SNTB1: variants seen among roughly 807,000 people sequenced by gnomAD.
SNTB1 encodes beta-1-syntrophin.
In SNTB1, 36 loss-of-function variants were observed where a neutral mutation model predicts 48.9. That is an observed-to-expected ratio of 0.74 (90% CI 0.56 to 0.97). SNTB1 has a LOEUF of 0.97. SNTB1 is among the 50% of genes least tolerant of loss of function. The pLI, the probability that SNTB1 is intolerant of heterozygous loss-of-function variation, is 0.00. For missense variants in SNTB1, 786 were observed against 703.4 expected (o/e 1.12, Z -1.33); for synonymous variants, 299 against 294.6 (o/e 1.01, Z -0.15).
chr8:120,772,947 G>A, intron 1 of SNTB1, among the ~76,000 whole-genome samples: 1 of 152,128 alleles, frequency 6.6e-6, no homozygotes, highest in African/African-American at 2.4e-5. Flanking sequence ...TGCTACTGTT[G>A]GTGGCAGCAA....
chr8:120,685,564 C>T (rs7009272), intron 2 of SNTB1, among the ~76,000 whole-genome samples: 7,752 of 152,240 alleles, frequency 0.051, 270 homozygotes, highest in African/African-American at 0.092. Context: ...TCCCAAGGCC[C>T]TGGCAGCCTT....
At chr8:120,623,237 G>A (rs965849305) in intron 3 of SNTB1, among the ~76,000 whole-genome samples, 2 of 152,146 alleles carry the variant, frequency 1.3e-5, no homozygotes, top group African/African-American at 4.8e-5. Context: ...TCAATGTAAG[G>A]CCTCATGATC....
rs560362550 is a variant in SNTB1, at chr8:120,749,299, G to T, written c.572-55391C>A. Among the ~76,000 whole-genome samples the T allele has an allele frequency of 6.7e-4, 102 of 152,242 alleles. 1 individual carries two copies. The highest frequency in any genetic ancestry group is 1.2e-3 in the Non-Finnish European group (81 of 68,012). ...TGCAGGAGGTAGTAAAAAGGAAAGG[G>T]AAAGCATTCTCTTTCTTCTGTACAT... On this transcript the variant is annotated intron_variant, in intron 1 of 6. Transcript: ENST00000517992.
intron 4 of SNTB1, among the ~76,000 whole-genome samples, chr8:120,555,399 A>T (rs1815550316): frequency 6.6e-6 from 1 of 151,602 alleles, no homozygotes; most frequent in Non-Finnish European, 1.5e-5. Flanking sequence ...ACTTTTACAT[A>T]CTGCAGGGAA....
chr8:120,669,644 G>T (rs1393447694), intron 2 of SNTB1, among the ~76,000 whole-genome samples: 6 of 57,096 alleles, frequency 1.1e-4, no homozygotes, highest in East Asian at 3.4e-4. Context: ...AGTAGAGACG[G>T]GGTTTCACCG....
chr8:120,596,103 C>T (rs1224607144), intron 3 of SNTB1, among the ~76,000 whole-genome samples: 1 of 152,136 alleles, frequency 6.6e-6, no homozygotes, highest in African/African-American at 2.4e-5. Context: ...TACATCCATA[C>T]CCCCCAGGGG....
At position 120,541,832 on chromosome 8, in the gene SNTB1, A is replaced by C; in HGVS notation, c.1502T>G (p.Phe501Cys). 6.2e-7 allele frequency: 1 copy of C among 1,612,520 alleles called. No homozygotes were observed. The highest frequency in any genetic ancestry group is 8.5e-7 in the Non-Finnish European group (1 of 1,179,502). ...TACAATCTCTCCATCTTTGCCTCCA[A>C]AATCTAAATACAGCATCCTGATTCC... Reference protein sequence around the residue: ...DDGIRMLYLDFGGKDGEIQLD... With the variant: ...DDGIRMLYLDCGGKDGEIQLD... The change falls in exon 6 of 7, where the codon TTT becomes TGT. Residue 501 changes from phenylalanine (F) to cysteine (C), a missense_variant. Phe to Cys is a radical substitution (Grantham distance 205). Transcript: ENST00000517992.
chr8:120,586,251 T>A (rs1816137474), intron 3 of SNTB1, among the ~76,000 whole-genome samples: 1 of 152,232 alleles, frequency 6.6e-6, no homozygotes, highest in African/African-American at 2.4e-5. Flanking sequence ...ATCCGAATGT[T>A]TTTATGTAAA....
At position 120,694,449 on chromosome 8, in the gene SNTB1, G is replaced by A. The variant is rs62526757; in HGVS notation, c.572-541C>T. On this transcript the variant is annotated intron_variant, in intron 1 of 6. Coordinates refer to ENST00000517992, the MANE Select transcript of SNTB1 (RefSeq NM_021021.4). ...ATAGCAAAAAAAATTATTTGTAAGA[G>A]CTGAAAAGTAGAAACAATGTAAATA... 2.3e-3 allele frequency among the ~76,000 whole-genome samples: 357 copies of A among 151,988 alleles called. 1 individual carries two copies. The highest frequency in any genetic ancestry group is 3.9e-3 in the Non-Finnish European group (263 of 67,966).
intron 3 of SNTB1, among the ~76,000 whole-genome samples, chr8:120,598,475 G>A (rs1304012070): frequency 6.6e-6 from 1 of 152,170 alleles, no homozygotes; most frequent in African/African-American, 2.4e-5. Flanking sequence ...TTTACTCTGT[G>A]CTAAGTACTG....
At chr8:120,712,591 C>A (rs1289294121) in intron 1 of SNTB1, among the ~76,000 whole-genome samples, 3 of 152,028 alleles carry the variant, frequency 2.0e-5, no homozygotes, top group Non-Finnish European at 4.4e-5. Context: ...AATTATGTAG[C>A]AACTTAGAAA....
rs1815295295 is a variant in SNTB1, at chr8:120,541,951, A to G, written c.1383T>C (p.Asn461=). ...QECRLTIHYE[N]GFSITTEPQE... The stretch of plus-strand genomic sequence containing the variant: ...GTGGTTCAGTGGTAATAGAAAATCC[A>G]TTCTCATAATGTATGGTCAAACGGC... Residue 461 remains asparagine, a synonymous_variant, in exon 6 of 7, where the codon AAT becomes AAC. Transcript: ENST00000517992. The G allele has an allele frequency of 6.2e-7, 1 of 1,613,986 alleles. No homozygotes were observed. Among genetic ancestry groups the G allele is most frequent in the Non-Finnish European group, 8.5e-7 (1 of 1,179,954 alleles).
intron 2 of SNTB1, among the ~76,000 whole-genome samples, chr8:120,643,657 C>T (rs1817233618): frequency 6.6e-6 from 1 of 152,138 alleles, no homozygotes; most frequent in Non-Finnish European, 1.5e-5. Context: ...TTTTTATCCA[C>T]TCATTGGTTG....
intron 2 of SNTB1, among the ~76,000 whole-genome samples, chr8:120,674,879 G>A (rs1437948846): frequency 6.6e-6 from 1 of 152,148 alleles, no homozygotes; most frequent in Non-Finnish European, 1.5e-5. Context: ...GTAATTATAA[G>A]CTAGGAAGGC....
intron 3 of SNTB1, among the ~76,000 whole-genome samples, chr8:120,603,644 T>C (rs1391035721): frequency 1.3e-5 from 2 of 152,090 alleles, no homozygotes; most frequent in Non-Finnish European, 2.9e-5. Flanking sequence ...TTCTGATGCA[T>C]GCGAAAGTTG....
chr8:120,801,199 T>C (rs941120274), intron 1 of SNTB1, among the ~76,000 whole-genome samples: 1 of 152,050 alleles, frequency 6.6e-6, no homozygotes, highest in Non-Finnish European at 1.5e-5. Flanking sequence ...TCATTGCAGA[T>C]GAAAGAATGT....
intron 3 of SNTB1, among the ~76,000 whole-genome samples, chr8:120,581,511 T>C (rs1587006726): frequency 6.6e-6 from 1 of 151,852 alleles, no homozygotes; most frequent in African/African-American, 2.4e-5. Context: ...GGCTGAGGCA[T>C]GAGAATCGCT....
intron 1 of SNTB1, among the ~76,000 whole-genome samples, chr8:120,696,152 T>A (rs945326414): frequency 1.3e-5 from 2 of 152,236 alleles, no homozygotes; most frequent in South Asian, 4.1e-4. Context: ...CATGGAAATA[T>A]AGAAAATTCA....
chr8:120,540,436 A>AT (rs1421701630), intron 6 of SNTB1, among the ~76,000 whole-genome samples: 1 of 152,292 alleles, frequency 6.6e-6, no homozygotes, highest in African/African-American at 2.4e-5. Flanking sequence ...GACATAAGTG[A>AT]TTTTCCTCAT....
Sources: allele counts gnomAD v4.1 joint callset (sites outside exome capture counted in the v4.1 genomes callset), GRCh38; gene constraint gnomAD v4.1.1; transcripts MANE v1.5; gene names NCBI Gene and HGNC (gene_info 2026-07-23, HGNC 2026-07-21).